Variants in KRT8 observed in about 807,000 individuals in gnomAD.
The protein encoded by KRT8 is keratin 8.
A neutral mutation model predicts 43.0 loss-of-function variants in KRT8; 24 were observed. The ratio of observed to expected loss-of-function variants is 0.56; its 90% CI spans 0.40 to 0.78. The LOEUF (loss-of-function observed/expected upper bound fraction) is 0.78, where lower values mean the gene tolerates loss of function less well. Ranked by LOEUF, KRT8 falls within the 30% of genes least tolerant of loss-of-function variation. KRT8 has a pLI of 0.00. For synonymous variants in KRT8, 214 were observed against 261.2 expected, an observed-to-expected ratio of 0.82 and a Z score of 1.74; for missense variants, 492 against 638.4, an observed-to-expected ratio of 0.77 and a Z score of 2.47.
chr12:52,904,930 G>A (rs11554484), exon 1 of KRT8: 40 of 1,611,884 alleles, frequency 2.5e-5, no homozygotes, highest in Non-Finnish European at 3.4e-5. Flanking sequence ...CTGAAGGCCC[G>A]GGGGCCAGAG....
chr12:52,930,217 A>ATTT (rs35917845), intron 2 of KRT8, among the ~76,000 whole-genome samples: 9 of 146,388 alleles, frequency 6.1e-5, no homozygotes, highest in Non-Finnish European at 9.0e-5. Context: ...CAATTCTATC[A>ATTT]TTTTTTTTTT....
At chr12:52,906,985 C>T (rs927077280), upstream of KRT8, 27 of 342,554 alleles carry the variant, frequency 7.9e-5, no homozygotes, top group African/African-American at 1.3e-4. Context: ...ACAATGCACG[C>T]GTGCATACAC....
At chr12:52,897,220 G>C (rs1393575050) in exon 8 of KRT8, 2 of 662,706 alleles carry the variant, frequency 3.0e-6, no homozygotes, top group East Asian at 2.8e-5. Flanking sequence ...TTTTATTTTG[G>C]ACCAAAAAAA....
At chr12:52,943,149 C>T (rs746914193) in intron 2 of KRT8, among the ~76,000 whole-genome samples, 2 of 152,134 alleles carry the variant, frequency 1.3e-5, no homozygotes, top group African/African-American at 2.4e-5. Flanking sequence ...CTAAGGCAAC[C>T]GTCCATCAGT....
intron 2 of KRT8, among the ~76,000 whole-genome samples, chr12:52,938,171 T>TATATATATATATA (rs1350561374): frequency 3.8e-3 from 112 of 29,618 alleles, no homozygotes; most frequent in Non-Finnish European, 4.0e-3. Flanking sequence ...TATATATATA[T>TATATATATATATA]TTTTTTTTTT....
intron 2 of KRT8, among the ~76,000 whole-genome samples, chr12:52,916,086 G>A (rs1448293781): frequency 6.6e-6 from 1 of 152,206 alleles, no homozygotes; most frequent in Non-Finnish European, 1.5e-5. Context: ...TGGAAGAGTA[G>A]AAAAGCTAGA....
intron 2 of KRT8, among the ~76,000 whole-genome samples, chr12:52,940,880 C>A (rs1942257258): frequency 6.6e-6 from 1 of 151,940 alleles, no homozygotes; most frequent in African/African-American, 2.4e-5. Context: ...CCCGCCTCAC[C>A]CTCCCAAAGT....
intron 1 of KRT8, among the ~76,000 whole-genome samples, chr12:52,904,005 C>T (rs538674617): frequency 6.6e-6 from 1 of 151,930 alleles, no homozygotes; most frequent in Non-Finnish European, 1.5e-5. Flanking sequence ...CGGGGTATGA[C>T]TCATTCTGTG....
chr12:52,904,648 G>A lies in KRT8; in HGVS notation c.324+10C>T. The A allele has an allele frequency of 2.5e-6, 4 of 1,611,766 alleles. No homozygotes were observed. The highest frequency in any genetic ancestry group is 3.4e-6 in the Non-Finnish European group (4 of 1,179,428). ...GCGGGCACAGTCAGCCACGCAGGGGGGACCCTCACCTTGTCTATGAAGGAG... is the reference window on the plus strand; with the variant it reads ...GCGGGCACAGTCAGCCACGCAGGGGAGACCCTCACCTTGTCTATGAAGGAG... On this transcript the variant is annotated intron_variant, in intron 1 of 7. Coordinates refer to ENST00000692008, the Ensembl canonical transcript of KRT8.
At position 52,941,478 on chromosome 12, in the gene KRT8, CTTTTTTTTTTTTT is replaced by C. The variant is rs774607187; in HGVS notation, c.-47+7965_-47+7977del. Among the ~76,000 whole-genome samples the C allele has an allele frequency of 2.1e-4, 15 of 72,574 alleles. 1 individual carries two copies. The highest frequency in any genetic ancestry group is 8.5e-4 in the African/African-American group (14 of 16,474). 47.6% of individuals were successfully genotyped at this position (72,574 alleles called of 152,430 possible). ...CGGGCTCCTCTAGCAAGTTTTTGCTCTTTTTTTTTTTTTTTTTTTTTTTTTTTGAGACAGTGTT... is the reference window on the plus strand; with the variant it reads ...CGGGCTCCTCTAGCAAGTTTTTGCTCTTTTTTTTTTTTTTGAGACAGTGTT... On this transcript the variant is annotated intron_variant, in intron 2 of 6. Transcript: ENST00000546826.
intron 2 of KRT8, among the ~76,000 whole-genome samples, chr12:52,944,288 G>A (rs1451456115): frequency 1.3e-5 from 2 of 152,174 alleles, no homozygotes; most frequent in South Asian, 4.1e-4. Flanking sequence ...TAGAGACAGG[G>A]TCTTGTTATA....
At chr12:52,906,529 G>A, upstream of KRT8, 1 of 369,686 alleles carries the variant, frequency 2.7e-6, no homozygotes, top group South Asian at 2.0e-5. Flanking sequence ...ACCTGTGGGA[G>A]GTTGGAGATT....
exon 1 of KRT8, chr12:52,904,933 G>T (rs754652686): frequency 6.2e-7 from 1 of 1,612,320 alleles, no homozygotes; most frequent in South Asian, 1.1e-5. Context: ...AAGGCCCGGG[G>T]GCCAGAGGTG....
chr12:52,945,366 T>A (rs188012299), intron 2 of KRT8, among the ~76,000 whole-genome samples: 280 of 152,260 alleles, frequency 1.8e-3, no homozygotes, highest in Non-Finnish European at 3.2e-3. Flanking sequence ...TCACCCTCAG[T>A]CTTTAAAGAA....
chr12:52,927,639 C>G (rs896686984), intron 2 of KRT8, among the ~76,000 whole-genome samples: 2 of 152,188 alleles, frequency 1.3e-5, no homozygotes, highest in Non-Finnish European at 2.9e-5. Flanking sequence ...CTGAGCACCC[C>G]CTTGTGGGCA....
chr12:52,940,586 G>T (rs1942251359), intron 2 of KRT8, among the ~76,000 whole-genome samples: 1 of 151,788 alleles, frequency 6.6e-6, no homozygotes, highest in Non-Finnish European at 1.5e-5. Flanking sequence ...AGGAGGTGTG[G>T]GGGTGAGCAA....
exon 1 of KRT8, chr12:52,905,070 C>G (rs1296389796): frequency 6.7e-7 from 1 of 1,503,174 alleles, no homozygotes; most frequent in Admixed American, 2.2e-5. Context: ...GGAGAGCTCT[C>G]AGGAATGGCC....
rs779675126 is a variant in KRT8, at chr12:52,904,875, G to A, written c.107C>T (p.Ser36Leu). Reference sequence around the variant, plus strand: ...GCTGCTGCCCACTCGGGAGAAGCTCGAGGAGCTGATGCGGGAACCGGGCCC... The same window carrying A: ...GCTGCTGCCCACTCGGGAGAAGCTCAAGGAGCTGATGCGGGAACCGGGCCC... The change falls in exon 1 of 8, where the codon TCG (serine) becomes TTG (leucine). Residue 36 changes from serine to leucine, a missense_variant. By Grantham distance (145) the Ser-to-Leu change is moderately radical. Transcript: ENST00000692008. 5.6e-6 allele frequency: 9 copies of A among 1,612,778 alleles called. No individual in the cohort carries two copies. In the Admixed American group the frequency reaches 1.5e-4, roughly 27 times the overall value.
At chr12:52,906,951 C>T, upstream of KRT8, 1 of 357,998 alleles carries the variant, frequency 2.8e-6, no homozygotes, top group Non-Finnish European at 5.5e-6. Flanking sequence ...CTTAAAAAGA[C>T]AGACACACAG....
Sources: allele counts gnomAD v4.1 joint callset (sites outside exome capture counted in the v4.1 genomes callset), GRCh38; gene constraint gnomAD v4.1.1; transcripts MANE v1.5; gene names NCBI Gene and HGNC (gene_info 2026-07-23, HGNC 2026-07-21).